The following CA8 variants were observed in gnomAD, a reference collection of about 807,000 sequenced individuals.
CA8 encodes the protein carbonic anhydrase-related protein.
In CA8, 22 loss-of-function variants were observed where a neutral mutation model predicts 41.4. The ratio of observed to expected loss-of-function variants is 0.53; its 90% CI spans 0.38 to 0.76. The LOEUF is 0.76. Ranked by LOEUF, CA8 falls within the 30% of genes least tolerant of loss-of-function variation. CA8 has a pLI of 0.00. For missense variants in CA8, 270 were observed against 352.8 expected (o/e 0.77, Z 1.88); for synonymous variants, 121 against 130.6 (o/e 0.93, Z 0.50).
At chr8:60,264,484 T>C (rs1285453302) in intron 3 of CA8, among the ~76,000 whole-genome samples, 1 of 152,220 alleles carries the variant, frequency 6.6e-6, no homozygotes, top group Non-Finnish European at 1.5e-5. Context: ...CTTTCCTTTT[T>C]GATGCATTCT....
chr8:60,189,698 A>G lies in CA8; in HGVS notation c.*323T>C, dbSNP rs1051453183. 5.9e-5 allele frequency: 9 copies of G among 152,576 alleles called. No homozygotes were observed. Among genetic ancestry groups the G allele is most frequent in the African/African-American group, 1.9e-4 (8 of 41,456 alleles). 9.5% of individuals were successfully genotyped at this position (152,576 alleles called of 1,614,324 possible). On this transcript the variant is annotated 3_prime_UTR_variant, in exon 9 of 9. Transcript: ENST00000317995. ...TAACACATGATATATATTCATATTA[A>G]TAACAACTCTGGAAACTAGTTTCAT...
chr8:60,277,602 A>G (rs538120215), intron 2 of CA8, among the ~76,000 whole-genome samples: 37 of 152,156 alleles, frequency 2.4e-4, no homozygotes, highest in African/African-American at 8.4e-4. Flanking sequence ...TGATCCACCC[A>G]CCTCAGCCTC....
At chr8:60,278,756 A>G (rs753739623) in intron 2 of CA8, among the ~76,000 whole-genome samples, 5 of 152,242 alleles carry the variant, frequency 3.3e-5, no homozygotes, top group Non-Finnish European at 7.3e-5. Flanking sequence ...ACAATGAATA[A>G]AATAAATCCA....
At chr8:60,197,388 T>C (rs1471671797) in intron 8 of CA8, among the ~76,000 whole-genome samples, 18 of 151,832 alleles carry the variant, frequency 1.2e-4, no homozygotes, top group Admixed American at 1.1e-3. Context: ...CAATGGACAA[T>C]CATAATGATA....
chr8:60,264,961 T>C (rs1803853156), intron 3 of CA8: 1 of 152,146 alleles, frequency 6.6e-6, no homozygotes, highest in African/African-American at 2.4e-5. Context: ...CAATTTTATA[T>C]TTAATATTAA....
chr8:60,238,189 CATTT>C, intron 3 of CA8, among the ~76,000 whole-genome samples: 1 of 152,328 alleles, frequency 6.6e-6, no homozygotes, highest in South Asian at 2.1e-4. Flanking sequence ...GCCTTATCAT[CATTT>C]GTCACTGAGA....
At chr8:60,273,109 T>C (rs1804122196) in intron 2 of CA8, among the ~76,000 whole-genome samples, 1 of 152,242 alleles carries the variant, frequency 6.6e-6, no homozygotes, top group Non-Finnish European at 1.5e-5. Context: ...AGTGAGTCTA[T>C]AATTCCCATA....
chr8:60,221,296 A>T (rs187858611), intron 7 of CA8, among the ~76,000 whole-genome samples: 4 of 152,168 alleles, frequency 2.6e-5, no homozygotes, highest in African/African-American at 9.7e-5. Flanking sequence ...TATCATGTTA[A>T]TTATTTAGTC....
chr8:60,226,879 C>T lies in CA8; in HGVS notation c.570G>A (p.Gln190=). 1 of 1,578,608 alleles carries T rather than the reference C, an allele frequency of 6.3e-7. No individual in the cohort carries two copies. The highest frequency in any genetic ancestry group is 8.7e-7 in the Non-Finnish European group (1 of 1,147,806). ...KAVTEILQDI[Q]YKGKSKTIPC... is the part of the protein sequence containing the mutation. The stretch of plus-strand genomic sequence containing the variant: ...ATTTTAAATAATGACTTACCTTATA[C>T]TGAATATCTTGGAGGATTTCAGTCA... Residue 190 remains glutamine, a synonymous_variant, in exon 5 of 9, where the codon CAG becomes CAA. Transcript: ENST00000317995.
intron 8 of CA8, 136 bp downstream of exon 8, chr8:60,208,614 A>G (rs190848773): frequency 2.7e-6 from 2 of 746,790 alleles, no homozygotes; most frequent in Admixed American, 4.2e-5. Context: ...AGAGCTCAAG[A>G]ATGTGTCATA....
chr8:60,266,997 T>C (rs772701831), intron 2 of CA8, among the ~76,000 whole-genome samples: 3 of 152,242 alleles, frequency 2.0e-5, no homozygotes, highest in Non-Finnish European at 4.4e-5. Flanking sequence ...AGCAGACTTT[T>C]TGAAACAGAT....
At chr8:60,248,061 A>G (rs1328659806) in intron 3 of CA8, among the ~76,000 whole-genome samples, 2 of 150,522 alleles carry the variant, frequency 1.3e-5, no homozygotes, top group African/African-American at 4.9e-5. Context: ...TTCTTTTGAG[A>G]AGTGTCTGTT....
At chr8:60,248,243 T>G (rs530999613) in intron 3 of CA8, among the ~76,000 whole-genome samples, 1 of 152,290 alleles carries the variant, frequency 6.6e-6, no homozygotes, top group Admixed American at 6.5e-5. Context: ...TGTACAGAAC[T>G]TCTTTAGTTT....
chr8:60,208,562 A>G lies in CA8; in HGVS notation c.*35+188T>C, dbSNP rs987633222. On this transcript the variant is annotated intron_variant, in intron 8 of 8. Coordinates refer to ENST00000317995, the MANE Select transcript of CA8 (RefSeq NM_004056.6). ...AAAATATAATCATAGTTTTTCTTCAATACTGCATAAAATTAAAATACCTAC... is the reference window on the plus strand; with the variant it reads ...AAAATATAATCATAGTTTTTCTTCAGTACTGCATAAAATTAAAATACCTAC... 4.0e-5 allele frequency: 24 copies of G among 606,194 alleles called. No individual in the cohort carries two copies. In the African/African-American group the frequency reaches 4.1e-4, roughly 10 times the overall value. 37.6% of individuals were successfully genotyped at this position (606,194 alleles called of 1,614,324 possible).
At chr8:60,237,595 A>G (rs1032275298) in intron 3 of CA8, among the ~76,000 whole-genome samples, 3 of 152,332 alleles carry the variant, frequency 2.0e-5, no homozygotes, top group Admixed American at 2.0e-4. Flanking sequence ...AAGAGCCTGG[A>G]CCTGCTCTAC....
intron 1 of CA8, among the ~76,000 whole-genome samples, chr8:60,280,830 C>T (rs1804393356): frequency 6.6e-6 from 1 of 152,214 alleles, no homozygotes; most frequent in African/African-American, 2.4e-5. Context: ...CGGGTGAGAG[C>T]GCAGGCGGCG....
intron 8 of CA8, among the ~76,000 whole-genome samples, chr8:60,193,771 G>A (rs893063532): frequency 2.6e-5 from 4 of 152,156 alleles, no homozygotes; most frequent in Admixed American, 2.0e-4. Flanking sequence ...CTTGGTGTGA[G>A]TGTGTTTTGA....
intron 5 of CA8, among the ~76,000 whole-genome samples, chr8:60,225,956 T>C (rs1196275420): frequency 6.6e-6 from 1 of 152,234 alleles, no homozygotes; most frequent in Admixed American, 6.5e-5. Flanking sequence ...ACCCTGTCTC[T>C]ACTAAAAATA....
At chr8:60,245,997 G>A (rs1461629513) in intron 3 of CA8, among the ~76,000 whole-genome samples, 1 of 152,146 alleles carries the variant, frequency 6.6e-6, no homozygotes, top group African/African-American at 2.4e-5. Flanking sequence ...TTTAAATGTT[G>A]AGAGCAGATA....
Sources: gnomAD v4.1 joint callset for allele counts (sites outside exome capture counted in the v4.1 genomes callset) on GRCh38, gnomAD v4.1.1 for gene constraint, MANE v1.5 for transcripts, NCBI Gene and HGNC (gene_info 2026-07-23, HGNC 2026-07-21) for gene names.